Variants in ANKS1B observed in about 807,000 individuals in gnomAD.
ANKS1B encodes ankyrin repeat and sterile alpha motif domain containing 1B.
A neutral mutation model predicts 148.3 loss-of-function variants in ANKS1B; 36 were observed. The ratio of observed to expected loss-of-function variants is 0.24; its 90% CI spans 0.19 to 0.32. ANKS1B has a LOEUF of 0.32. Among genes scored for constraint, ANKS1B ranks in the 10% least tolerant of loss-of-function variants. The pLI is 1.00. For missense variants in ANKS1B, 1,157 were observed against 1,542.6 expected, an observed-to-expected ratio of 0.75 and a Z score of 4.19; for synonymous variants, 542 against 560.8, an observed-to-expected ratio of 0.97 and a Z score of 0.47.
chr12:98,975,529 C>T (rs950686251), intron 17 of ANKS1B, among the ~76,000 whole-genome samples: 2 of 152,110 alleles, frequency 1.3e-5, no homozygotes, highest in African/African-American at 4.8e-5. Flanking sequence ...AGTCTCTACC[C>T]TCAGGAGCTT....
intron 14 of ANKS1B, among the ~76,000 whole-genome samples, chr12:99,161,421 C>T (rs370123875): frequency 3.0e-4 from 45 of 152,052 alleles, no homozygotes; most frequent in African/African-American, 8.7e-4. Context: ...CCCAGCTACT[C>T]GGGAGGCTGA....
chr12:99,848,183 G>C (rs1603307242), intron 1 of ANKS1B, among the ~76,000 whole-genome samples: 1 of 152,142 alleles, frequency 6.6e-6, no homozygotes. Flanking sequence ...TGACAAACCT[G>C]CTTTGGAGTA....
intron 17 of ANKS1B, among the ~76,000 whole-genome samples, chr12:98,888,146 A>G (rs757381561): frequency 2.6e-5 from 4 of 152,366 alleles, no homozygotes; most frequent in Middle Eastern, 3.4e-3. Context: ...TATTGTGATC[A>G]TATAACAAAT....
chr12:99,132,458 T>C (rs1267207019), intron 15 of ANKS1B, among the ~76,000 whole-genome samples: 1 of 149,822 alleles, frequency 6.7e-6, no homozygotes, highest in Non-Finnish European at 1.5e-5. Context: ...TTAGACAACA[T>C]AGCGAGACCT....
At chr12:98,970,976 C>T (rs2099882601) in intron 17 of ANKS1B, among the ~76,000 whole-genome samples, 1 of 152,032 alleles carries the variant, frequency 6.6e-6, no homozygotes, top group Admixed American at 6.6e-5. Context: ...ATATGACCTC[C>T]CCCCACCCCA....
At chr12:99,185,697 C>T (rs567965584) in intron 14 of ANKS1B, among the ~76,000 whole-genome samples, 42 of 152,230 alleles carry the variant, frequency 2.8e-4, no homozygotes, top group South Asian at 1.2e-3. Context: ...CAGTGAGGAA[C>T]GGTGCATTCT....
At chr12:99,090,808 G>T (rs1013291132) in intron 15 of ANKS1B, among the ~76,000 whole-genome samples, 1 of 152,096 alleles carries the variant, frequency 6.6e-6, no homozygotes, top group African/African-American at 2.4e-5. Context: ...CTAAATACCA[G>T]ATTTATTATT....
intron 12 of ANKS1B, among the ~76,000 whole-genome samples, chr12:99,285,110 C>T (rs2078959424): frequency 6.6e-6 from 1 of 152,168 alleles, no homozygotes; most frequent in Admixed American, 6.5e-5. Flanking sequence ...TAATTTCTCA[C>T]TCATGTCCCT....
chr12:99,012,349 C>A (rs1455159063), intron 17 of ANKS1B, among the ~76,000 whole-genome samples: 1 of 152,184 alleles, frequency 6.6e-6, no homozygotes, highest in African/African-American at 2.4e-5. Context: ...CTGTGCTTTT[C>A]CCATTAGGCC....
intron 9 of ANKS1B, among the ~76,000 whole-genome samples, chr12:99,654,574 A>G (rs1307042121): frequency 1.3e-5 from 2 of 152,116 alleles, no homozygotes; most frequent in African/African-American, 4.8e-5. Context: ...ATGACTTGAA[A>G]CTAATAGTCA....
At chr12:98,861,294 G>C (rs536757366) in intron 17 of ANKS1B, among the ~76,000 whole-genome samples, 1 of 152,264 alleles carries the variant, frequency 6.6e-6, no homozygotes, top group Admixed American at 6.5e-5. Flanking sequence ...CATTTTTCTA[G>C]GGCTGAGGGG....
intron 17 of ANKS1B, among the ~76,000 whole-genome samples, chr12:98,998,589 A>G (rs191770496): frequency 6.6e-6 from 1 of 152,340 alleles, no homozygotes; most frequent in Admixed American, 6.5e-5. Context: ...TCTATGTGCC[A>G]TAAGGGCTTA....
chr12:99,235,294 C>T (rs78680257), intron 14 of ANKS1B, among the ~76,000 whole-genome samples: 2 of 151,990 alleles, frequency 1.3e-5, no homozygotes, highest in East Asian at 3.9e-4. Flanking sequence ...AATTTTAGAA[C>T]ATTAATATCC....
chr12:98,992,208 TC>T (rs1345774911), intron 17 of ANKS1B, among the ~76,000 whole-genome samples: 1 of 152,190 alleles, frequency 6.6e-6, no homozygotes, highest in African/African-American at 2.4e-5. Context: ...CTCTTTTCTG[TC>T]CCACGGCTTT....
At chr12:99,534,981 TTA>T (rs1467090967) in intron 9 of ANKS1B, among the ~76,000 whole-genome samples, 1 of 152,102 alleles carries the variant, frequency 6.6e-6, no homozygotes, top group Non-Finnish European at 1.5e-5. Flanking sequence ...AGTGCTGGGA[TTA>T]CAGGCATGAG....
intron 14 of ANKS1B, among the ~76,000 whole-genome samples, chr12:99,199,282 A>C (rs2081767503): frequency 6.6e-6 from 1 of 152,236 alleles, no homozygotes; most frequent in Admixed American, 6.5e-5. Context: ...GTTTTAGATA[A>C]CATGCAGCAA....
At chr12:98,793,149 T>C (rs1172835168) in intron 22 of ANKS1B, among the ~76,000 whole-genome samples, 4 of 152,220 alleles carry the variant, frequency 2.6e-5, no homozygotes, top group Non-Finnish European at 5.9e-5. Context: ...TTTTTGATAA[T>C]AGCCATTCTA....
chr12:99,648,876 A>C, intron 9 of ANKS1B: 11 of 1,467,602 alleles, frequency 7.5e-6, no homozygotes, highest in South Asian at 2.9e-5. Context: ...GCTGCAGCTC[A>C]CCTGGGAAAT....
chr12:99,725,597 G>T (rs1357338773), intron 8 of ANKS1B, among the ~76,000 whole-genome samples: 2 of 152,136 alleles, frequency 1.3e-5, no homozygotes, highest in Admixed American at 1.3e-4. Context: ...ACACATCAAT[G>T]AGACAGAAAA....
Sources: allele counts gnomAD v4.1 joint callset (sites outside exome capture counted in the v4.1 genomes callset), GRCh38; gene constraint gnomAD v4.1.1; transcripts MANE v1.5; gene names NCBI Gene and HGNC (gene_info 2026-07-23, HGNC 2026-07-21).